The following HLX variants were observed in gnomAD, a reference collection of about 807,000 sequenced individuals.
HLX encodes the protein H2.0-like homeobox protein.
HLX carries 6 observed loss-of-function variants against 27.7 expected under a neutral mutation model. The ratio of observed to expected loss-of-function variants is 0.22; its 90% CI spans 0.12 to 0.43. The LOEUF (loss-of-function observed/expected upper bound fraction) is 0.43. Ranked by LOEUF, HLX falls within the 20% of genes least tolerant of loss-of-function variation. The pLI is 1.00. For missense variants in HLX, 666 were observed against 655.2 expected (o/e 1.02, Z -0.18); for synonymous variants, 328 against 293.8 (o/e 1.12, Z -1.19).
In HLX at chr1:220,880,361, C is replaced by T. The variant is rs367706334; in HGVS notation, c.504C>T (p.Ala168=). 9 of 1,614,124 alleles carry T rather than the reference C, an allele frequency of 5.6e-6. No homozygotes were observed. Among genetic ancestry groups the T allele is most frequent in the Non-Finnish European group, 6.8e-6 (8 of 1,179,982 alleles). ...CCCACCACAGTGGCTCTGCCCCGGC[C>T]CCCTCCAGCAAAGACCTCAAATTTG... ...PNPHHSGSAP[A]PSSKDLKFGI... is the part of the protein sequence containing the mutation. The change falls in exon 1 of 4, where the codon GCC becomes GCT. Residue 168 remains alanine, a synonymous_variant. Transcript: ENST00000366903.
intron 3 of HLX, chr1:220,883,885 G>T: frequency 2.2e-6 from 1 of 457,780 alleles, no homozygotes; most frequent in Non-Finnish European, 4.0e-6. Flanking sequence ...GAGAGAGTAT[G>T]TTGGGGGTCG....
At chr1:220,880,560 A>G (rs1674403567) in intron 1 of HLX, 111 bp downstream of exon 1, 1 of 1,141,818 alleles carries the variant, frequency 8.8e-7, no homozygotes, top group African/African-American at 1.5e-5. Flanking sequence ...AAATCGGTAA[A>G]ACGGGAGAGA....
rs749568473 is a variant in HLX at position 220,879,870 on chromosome 1, G to T, written c.13G>T (p.Gly5Trp). 3 of 1,582,914 alleles carry T rather than the reference G, an allele frequency of 1.9e-6. No homozygotes were observed. Among genetic ancestry groups the T allele is most frequent in the Admixed American group, 3.4e-5 (2 of 58,142 alleles). MFAA[G>W]LAPFYASNFS... ...TCACCCCGGCAGGATGTTCGCAGCC[G>T]GGCTGGCTCCCTTCTACGCCTCCAA... The change falls in exon 1 of 4, where the codon GGG (glycine) becomes TGG (tryptophan). Residue 5 changes from glycine (G) to tryptophan (W), a missense_variant. Coordinates refer to ENST00000366903, the MANE Select transcript of HLX (RefSeq NM_021958.4).
chr1:220,882,387 C>A, intron 3 of HLX, 39 bp downstream of exon 3: 3 of 1,596,482 alleles, frequency 1.9e-6, no homozygotes, highest in Non-Finnish European at 2.6e-6. Flanking sequence ...CGCCCTCGGG[C>A]GGGCAGCAGC....
At chr1:220,883,797 C>T (rs540452401) in intron 3 of HLX, 20 of 218,180 alleles carry the variant, frequency 9.2e-5, no homozygotes, top group South Asian at 1.6e-4. Context: ...GTGTATTTTT[C>T]TGGGCTAGGA....
At chr1:220,881,106 C>T (rs1227735358) in intron 1 of HLX, 88 bp from the exon 2 acceptor site, 5 of 1,203,058 alleles carry the variant, frequency 4.2e-6, no homozygotes, top group Non-Finnish European at 6.0e-6. Flanking sequence ...AAAAGTGAAT[C>T]CAGGGCAAGG....
In HLX at chr1:220,879,516, T is replaced by G; in HGVS notation, c.-342T>G. ...AAATTTAGCTCTTAGGGCTTAGCTA[T>G]TTGGGTTTTCTTGCGGTGTCCGGCT... On this transcript the variant is annotated 5_prime_UTR_variant, in exon 1 of 4. Transcript: ENST00000366903. The G allele has an allele frequency of 2.6e-6, 1 of 383,254 alleles. No individual in the cohort carries two copies. The highest frequency in any genetic ancestry group is 4.7e-6 in the Non-Finnish European group (1 of 212,098). The allele number at this position is 383,254 out of a possible 1,614,324, so 23.7% of individuals were successfully genotyped here. A position where few individuals can be genotyped will look rare whatever the true frequency, so the allele number is the denominator to read the frequency against.
Position 220,880,117 on chromosome 1 carries a change from C to G in HLX, c.260C>G (p.Ala87Gly). ...GTTCACCCGCACGCCTCTTTCCAAG[C>G]GGCGGCCAGATCCCCGCTTCGACCC... ...GSVHPHASFQ[A>G]AARSPLRPTP... Residue 87 changes from alanine to glycine, a missense_variant, in exon 1 of 4, where the codon GCG becomes GGG. Transcript: ENST00000366903. 6.2e-7 allele frequency: 1 copy of G among 1,602,114 alleles called. No homozygotes were observed. The highest frequency in any genetic ancestry group is 1.1e-5 in the South Asian group (1 of 90,714).
Position 220,880,083 on chromosome 1 carries a change from T to C in HLX, c.226T>C (p.Leu76=). 6.3e-7 allele frequency: 1 copy of C among 1,594,086 alleles called. No homozygotes were observed. Among genetic ancestry groups the C allele is most frequent in the African/African-American group, 1.3e-5 (1 of 74,700 alleles). The change falls in exon 1 of 4, where the codon TTG becomes CTG. Residue 76 remains leucine (L), a synonymous_variant. Coordinates refer to ENST00000366903, the MANE Select transcript of HLX (RefSeq NM_021958.4). ...CTCGGCCGCCGCCCTCACCGCGCAC[T>C]TGGGCTCGGTTCACCCGCACGCCTC... ...GASAAALTAH[L]GSVHPHASFQ...
Position 220,882,160 on chromosome 1 carries a change from G to A in HLX, c.773-4G>A. ...TCTTCCCTCTGGCTCCCGTTCTGCG[G>A]CAGGTCCCTATGCTGTGCTCACGAA... is the stretch of plus-strand genomic sequence containing the variant. On this transcript the variant is annotated splice_region_variant and splice_polypyrimidine_tract_variant and intron_variant, in intron 2 of 3. Transcript: ENST00000366903. 6.2e-7 allele frequency: 1 copy of A among 1,613,906 alleles called. No homozygotes were observed. Among genetic ancestry groups the A allele is most frequent in the Non-Finnish European group, 8.5e-7 (1 of 1,179,978 alleles).
At position 220,881,391 on chromosome 1, in the gene HLX, A is replaced by G. The variant is rs1674434301; in HGVS notation, c.772+18A>G. On this transcript the variant is annotated intron_variant, in intron 2 of 3. Coordinates refer to ENST00000366903, the MANE Select transcript of HLX (RefSeq NM_021958.4). The stretch of plus-strand genomic sequence containing the variant: ...GTTTCCAGGTACGGAAAAACTCCAG[A>G]GTACTGCCTAACGGGCGAGCCGACT... 6.2e-7 allele frequency: 1 copy of G among 1,604,332 alleles called. No individual in the cohort carries two copies. The highest frequency in any genetic ancestry group is 1.3e-5 in the African/African-American group (1 of 74,836).
chr1:220,881,883 G>A, intron 2 of HLX: 1 of 487,156 alleles, frequency 2.1e-6, no homozygotes, highest in Non-Finnish European at 3.8e-6. Flanking sequence ...TCGTAGGCCT[G>A]ATGGCCACGC....
intron 3 of HLX, 178 bp downstream of exon 3, chr1:220,882,526 A>G: frequency 1.6e-6 from 1 of 613,930 alleles, no homozygotes; most frequent in Non-Finnish European, 2.9e-6. Flanking sequence ...GAGGGTGGAG[A>G]TGGGGTGAGG....
chr1:220,884,218 G>A lies in HLX; in HGVS notation c.981G>A (p.Arg327=), dbSNP rs1674517754. 3 of 1,614,088 alleles carry A rather than the reference G, an allele frequency of 1.9e-6. No individual in the cohort carries two copies. Among genetic ancestry groups the A allele is most frequent in the Non-Finnish European group, 1.7e-6 (2 of 1,180,024 alleles). ...DAQVKVWFQN[R]RMKWRHSKEA... is the part of the protein sequence containing the mutation. ...AGGTGAAGGTGTGGTTCCAGAACCG[G>A]CGGATGAAGTGGCGGCACTCCAAGG... is the stretch of plus-strand genomic sequence containing the variant. The change falls in exon 4 of 4, where the codon CGG becomes CGA. Residue 327 remains arginine, a synonymous_variant. Coordinates refer to ENST00000366903, the MANE Select transcript of HLX (RefSeq NM_021958.4). This position sits in a 1 kb window ranked among gnomAD's most constrained non-coding sequence, Gnocchi z 4.9.
At chr1:220,881,615 TG>T (rs1558115962) in intron 2 of HLX, 1 of 546,908 alleles carries the variant, frequency 1.8e-6, no homozygotes, top group Non-Finnish European at 3.3e-6. Context: ...GACGGTGGGG[TG>T]GGGGGCTTTC....
At chr1:220,883,897 G>A (rs1674511326) in intron 3 of HLX, 2 of 485,302 alleles carry the variant, frequency 4.1e-6, no homozygotes, top group Middle Eastern at 1.1e-3. Flanking sequence ...TGGGGGTCGG[G>A]TGCAGGAATC....
Position 220,884,850 on chromosome 1 carries a change from C to A in HLX, c.*146C>A, listed in dbSNP as rs1674536418. 7.7e-7 allele frequency: 1 copy of A among 1,303,782 alleles called. No homozygotes were observed. The highest frequency in any genetic ancestry group is 2.5e-5 in the East Asian group (1 of 39,516). 80.8% of individuals were successfully genotyped at this position (1,303,782 alleles called of 1,614,324 possible). ...CCCGACATTCACGCTTCGCCCCACG[C>A]TGCTCCGACTGGCTGCAGCGGACAC... On this transcript the variant is annotated 3_prime_UTR_variant, in exon 4 of 4. Transcript: ENST00000366903. This position sits in a 1 kb window ranked among gnomAD's most constrained non-coding sequence, Gnocchi z 4.9.
intron 3 of HLX, 87 bp downstream of exon 3, chr1:220,882,435 G>T (rs924521087): frequency 1.6e-6 from 2 of 1,265,354 alleles, no homozygotes; most frequent in South Asian, 1.3e-5. Flanking sequence ...CATCCCGGCC[G>T]ACTGGCCTCC....
In HLX at chr1:220,881,287, C is replaced by A; in HGVS notation, c.686C>A (p.Pro229His). The change falls in exon 2 of 4, where the codon CCC (proline) becomes CAC (histidine). Residue 229 changes from proline to histidine, a missense_variant. By Grantham distance (77) the Pro-to-His change is moderately conservative. Transcript: ENST00000366903. ...GGCCAGTTCTTCGCATCTCTAGATC[C>A]CATTAACGAGGCTTCTGCAATCCTG... ...SAGQFFASLD[P>H]INEASAILSP... The A allele has an allele frequency of 2.5e-6, 4 of 1,614,052 alleles. No individual in the cohort carries two copies. The highest frequency in any genetic ancestry group is 3.4e-6 in the Non-Finnish European group (4 of 1,179,878).
Sources: gnomAD v4.1 joint callset for allele counts on GRCh38, gnomAD v4.1.1 for gene constraint, Gnocchi (gnomAD v3.1) non-coding constraint, MANE v1.5 for transcripts, NCBI Gene and HGNC (gene_info 2026-07-23, HGNC 2026-07-21) for gene names.